Variants in ALPK3 observed in about 807,000 individuals in gnomAD.
ALPK3 encodes alpha-protein kinase 3.
ALPK3 carries 102 observed loss-of-function variants against 140.0 expected under a neutral mutation model. The observed-to-expected ratio is 0.73, with a 90% CI of 0.62 to 0.86. The LOEUF (loss-of-function observed/expected upper bound fraction) is 0.86, where lower values mean the gene tolerates loss of function less well. ALPK3 is among the 40% of genes least tolerant of loss of function. ALPK3 has a pLI of 0.00. For missense variants in ALPK3, 2,254 were observed against 2,208.2 expected, an observed-to-expected ratio of 1.02 and a Z score of -0.42; for synonymous variants, 938 against 898.5, an observed-to-expected ratio of 1.04 and a Z score of -0.79.
chr15:84,824,593 G>A (rs532705395), intron 2 of ALPK3, among the ~76,000 whole-genome samples: 2 of 152,330 alleles, frequency 1.3e-5, no homozygotes, highest in South Asian at 4.2e-4. Flanking sequence ...TGTTCTGTGT[G>A]GCTCATGGGT....
In ALPK3 at chr15:84,864,670, G is replaced by T. The variant is rs771461497; in HGVS notation, c.4723+5G>T. 4 of 1,612,630 alleles carry T rather than the reference G, an allele frequency of 2.5e-6. No individual in the cohort carries two copies. Among genetic ancestry groups the T allele is most frequent in the Non-Finnish European group, 1.7e-6 (2 of 1,178,770 alleles). ...TCCTTGTCACAGACTTGGCAGGTAC[G>T]AGGGTGTGAGGGTGCACGGGTACGC... On this transcript the variant is annotated splice_donor_5th_base_variant and intron_variant, in intron 12 of 13. Coordinates refer to ENST00000258888, the MANE Select transcript of ALPK3 (RefSeq NM_020778.5).
Position 84,864,901 on chromosome 15 carries a change from C to T in ALPK3, c.4723+236C>T, listed in dbSNP as rs536892819. Among the ~76,000 whole-genome samples the T allele has an allele frequency of 2.0e-5, 3 of 152,300 alleles. No individual in the cohort carries two copies. In the South Asian group the frequency reaches 6.2e-4, roughly 32 times the overall value. ...CAGCTGCATTTAAAGGAGCACAGTC[C>T]AGGCTCAATTAAAAGTAAAAAGGAA... is the stretch of plus-strand genomic sequence containing the variant. On this transcript the variant is annotated intron_variant, in intron 12 of 13. Coordinates refer to ENST00000258888, the MANE Select transcript of ALPK3 (RefSeq NM_020778.5).
chr15:84,837,769 T>C (rs565497759), intron 3 of ALPK3, among the ~76,000 whole-genome samples: 19 of 152,358 alleles, frequency 1.2e-4, no homozygotes, highest in African/African-American at 3.6e-4. Flanking sequence ...CAACTCTCTC[T>C]GTCTTCCACC....
chr15:84,868,234 C>A lies in ALPK3; in HGVS notation c.4896C>A (p.His1632Gln), dbSNP rs1387694108. The change falls in exon 14 of 14, where the codon CAC (histidine) becomes CAA (glutamine). Residue 1632 changes from histidine (H) to glutamine (Q), a missense_variant. This residue lies in a region of ALPK3 where 158 missense variants were observed against 159.8 expected (regional missense o/e 0.99). Transcript: ENST00000258888. ...CTCTCAAGGGCCCGGAGGCGGCCCA[C>A]CCCCAAGCCAAAGCCAAAGGCTCTA... ...LTPLKGPEAA[H>Q]PQAKAKGSKS... is the part of the protein sequence containing the mutation. The A allele has an allele frequency of 1.2e-6, 2 of 1,614,170 alleles. No individual in the cohort carries two copies. Among genetic ancestry groups the A allele is most frequent in the African/African-American group, 1.3e-5 (1 of 75,032 alleles).
At chr15:84,838,091 G>A (rs1963615414) in intron 3 of ALPK3, among the ~76,000 whole-genome samples, 1 of 152,196 alleles carries the variant, frequency 6.6e-6, no homozygotes, top group African/African-American at 2.4e-5. Context: ...AGACACCTCA[G>A]TCGGTGTCAC....
chr15:84,863,458 C>T (rs1963970831), intron 10 of ALPK3, 94 bp from the exon 11 acceptor site: 3 of 1,104,362 alleles, frequency 2.7e-6, no homozygotes, highest in South Asian at 3.0e-5. Context: ...CTCTCAGTCC[C>T]CTAACAGAAT....
chr15:84,825,185 A>ATT (rs1200691006), intron 2 of ALPK3, among the ~76,000 whole-genome samples: 9 of 150,304 alleles, frequency 6.0e-5, no homozygotes, highest in African/African-American at 2.0e-4. Flanking sequence ...TTATTTTATT[A>ATT]TTATTTTTTT....
intron 5 of ALPK3, among the ~76,000 whole-genome samples, chr15:84,844,303 A>G (rs1963703794): frequency 1.3e-5 from 2 of 152,026 alleles, no homozygotes; most frequent in African/African-American, 4.8e-5. Context: ...ACTACTTGGG[A>G]GGCTGAGGCA....
Position 84,870,121 on chromosome 15 carries a change from C to T in ALPK3, c.*1665C>T, listed in dbSNP as rs1377654813. On this transcript the variant is annotated 3_prime_UTR_variant, in exon 14 of 14. Transcript: ENST00000258888. Reference sequence around the variant, plus strand: ...CAGGAGCCCACCAGCACCTGCCTCTCAGCTACTTGCTGACCATTTCCTGCT... The same window carrying T: ...CAGGAGCCCACCAGCACCTGCCTCTTAGCTACTTGCTGACCATTTCCTGCT... 1 of 152,250 alleles carries T rather than the reference C, an allele frequency of 6.6e-6. No individual in the cohort carries two copies. The highest frequency in any genetic ancestry group is 1.5e-5 in the Non-Finnish European group (1 of 68,062). 9.4% of individuals were successfully genotyped at this position (152,250 alleles called of 1,614,324 possible).
chr15:84,859,152 T>C (rs1963906543), intron 6 of ALPK3, 91 bp from the exon 7 acceptor site: 1 of 1,547,214 alleles, frequency 6.5e-7, no homozygotes, highest in Non-Finnish European at 8.8e-7. Flanking sequence ...TCCTGTTTTC[T>C]CCCAGCCTTT....
At chr15:84,861,592 A>C (rs946864107) in intron 9 of ALPK3, among the ~76,000 whole-genome samples, 2 of 152,234 alleles carry the variant, frequency 1.3e-5, no homozygotes, top group African/African-American at 4.8e-5. Context: ...TTATTGCCTA[A>C]ATCTATTATT....
chr15:84,859,986 C>G, intron 8 of ALPK3, 51 bp from the exon 9 acceptor site: 2 of 1,613,988 alleles, frequency 1.2e-6, no homozygotes, highest in Non-Finnish European at 1.7e-6. Flanking sequence ...AGAAGGCACT[C>G]TCTTGGCACA....
chr15:84,868,179 A>T lies in ALPK3; in HGVS notation c.4841A>T (p.Asn1614Ile), dbSNP rs369329091. The T allele has an allele frequency of 6.2e-7, 1 of 1,614,044 alleles. No individual in the cohort carries two copies. The change falls in exon 14 of 14, where the codon AAT becomes ATT. Residue 1614 changes from asparagine to isoleucine, a missense_variant. By Grantham distance (149) the Asn-to-Ile change is moderately radical. Coordinates refer to ENST00000258888, the MANE Select transcript of ALPK3 (RefSeq NM_020778.5). ...LDRFASSHQC[N>I]AYCELLGLTP... ...CGGTTCGCCTCCTCCCACCAGTGCA[A>T]TGCCTACTGTGAGCTGCTGGGGCTG...
intron 5 of ALPK3, among the ~76,000 whole-genome samples, chr15:84,843,362 G>A (rs1268416095): frequency 6.6e-6 from 1 of 152,214 alleles, no homozygotes; most frequent in Non-Finnish European, 1.5e-5. Flanking sequence ...TGACCACTTG[G>A]GTGGCTGAGG....
chr15:84,839,973 G>T lies in ALPK3; in HGVS notation c.694G>T (p.Ala232Ser), dbSNP rs758829090. 1.2e-6 allele frequency: 2 copies of T among 1,612,890 alleles called. No homozygotes were observed. The highest frequency in any genetic ancestry group is 8.5e-7 in the Non-Finnish European group (1 of 1,179,448). ...AAAGCGGCGATTGAGCGGGGCTCAAGCGCCGGGCCCCTCGGTCCCTACCAG... is the reference window on the plus strand; with the variant it reads ...AAAGCGGCGATTGAGCGGGGCTCAATCGCCGGGCCCCTCGGTCCCTACCAG... The part of the protein sequence containing the change: ...QRKRRLSGAQ[A>S]PGPSVPTREP... The change falls in exon 5 of 14, where the codon GCG (alanine) becomes TCG (serine). Residue 232 changes from alanine to serine, a missense_variant. Physicochemically the swap from Ala to Ser is moderately conservative, Grantham distance 99. Transcript: ENST00000258888.
chr15:84,866,831 G>A (rs1003482884), intron 12 of ALPK3, among the ~76,000 whole-genome samples: 14 of 152,184 alleles, frequency 9.2e-5, no homozygotes, highest in Non-Finnish European at 1.8e-4. Flanking sequence ...GAGGATGAAG[G>A]TTTTAGCTCA....
At chr15:84,827,726 T>A in intron 3 of ALPK3, 121 bp downstream of exon 3, 1 of 1,372,010 alleles carries the variant, frequency 7.3e-7, no homozygotes, top group Admixed American at 2.1e-5. Context: ...TGAGGTGACA[T>A]TTACTTTCTG....
At chr15:84,825,294 A>C (rs1008715758) in intron 2 of ALPK3, among the ~76,000 whole-genome samples, 8 of 151,744 alleles carry the variant, frequency 5.3e-5, no homozygotes, top group Non-Finnish European at 1.0e-4. Context: ...CTCCTGCCTC[A>C]GCCTCCCGAG....
chr15:84,849,197 C>G lies in ALPK3; in HGVS notation c.1654-7195C>G, dbSNP rs570501375. ...GTGAACTATCTAGTGATAAAAGGGT[C>G]AATTCAAGAAGACATAACAATAAAA... is the stretch of plus-strand genomic sequence containing the variant. On this transcript the variant is annotated intron_variant, in intron 5 of 13. Transcript: ENST00000258888. 7.8e-4 allele frequency among the ~76,000 whole-genome samples: 118 copies of G among 151,178 alleles called. 5 individuals carry two copies. The South Asian group carries it at 0.018, about 23-fold the overall frequency.
Sources: allele counts gnomAD v4.1 joint callset (sites outside exome capture counted in the v4.1 genomes callset), GRCh38; gene constraint gnomAD v4.1.1; regional missense constraint gnomAD v4.1.1; transcripts MANE v1.5; gene names NCBI Gene and HGNC (gene_info 2026-07-23, HGNC 2026-07-21).